ARID5B: variants seen among roughly 807,000 people sequenced by gnomAD.
The protein encoded by ARID5B is AT-rich interactive domain-containing protein 5B.
In ARID5B, 13 loss-of-function variants were observed where a neutral mutation model predicts 97.2. The ratio of observed to expected loss-of-function variants is 0.13; its 90% CI spans 0.09 to 0.21. The LOEUF is 0.21. Among genes scored for constraint, ARID5B ranks in the 10% least tolerant of loss-of-function variants. The probability of loss-of-function intolerance (pLI) is 1.00; values close to 1 mark genes in which losing one functional copy is unlikely to be tolerated. For missense variants in ARID5B, 1,210 were observed against 1,465.3 expected (o/e 0.83, Z 2.84); for synonymous variants, 556 against 570.3 (o/e 0.97, Z 0.36).
At chr10:61,960,009 T>C (rs1336235420) in intron 3 of ARID5B, among the ~76,000 whole-genome samples, 1 of 152,210 alleles carries the variant, frequency 6.6e-6, no homozygotes, top group Non-Finnish European at 1.5e-5. Context: ...TGATTTCCTT[T>C]AAGAACACAG....
chr10:61,991,468 T>A (rs1048452471), intron 3 of ARID5B, among the ~76,000 whole-genome samples: 11 of 151,896 alleles, frequency 7.2e-5, no homozygotes, highest in African/African-American at 2.7e-4. Context: ...AAGATGCCAT[T>A]TATATATATT....
rs1381705412 is a variant in ARID5B at position 62,022,466 on chromosome 10, C to T, written c.733+22145C>T. ...ACCTTTCGCAGGAAAGAGGAGCTGG[C>T]CCTCTCCTGTTCCTGGGTGGTAACC... On this transcript the variant is annotated intron_variant, in intron 4 of 9. Coordinates refer to ENST00000279873, the MANE Select transcript of ARID5B (RefSeq NM_032199.3). Among the ~76,000 whole-genome samples the T allele has an allele frequency of 5.3e-5, 8 of 152,198 alleles. No individual in the cohort carries two copies. In the South Asian group the frequency reaches 1.7e-3, roughly 32 times the overall value.
chr10:62,047,728 C>T (rs901420304), intron 4 of ARID5B, among the ~76,000 whole-genome samples: 10 of 152,190 alleles, frequency 6.6e-5, no homozygotes, highest in African/African-American at 1.2e-4. Flanking sequence ...CCCACCAGCA[C>T]ACCATAATGC....
Position 61,907,233 on chromosome 10 carries a change from A to AT in ARID5B, c.276+4830dup, listed in dbSNP as rs36040309. Reference sequence around the variant, plus strand: ...GTAAACTGTCAACTGGATCAGCAGGATTTTTTTTTTCAAAAGATTGCCTGA... The same window carrying AT: ...GTAAACTGTCAACTGGATCAGCAGGATTTTTTTTTTTCAAAAGATTGCCTGA... On this transcript the variant is annotated intron_variant, in intron 2 of 9. Coordinates refer to ENST00000279873, the MANE Select transcript of ARID5B (RefSeq NM_032199.3). Among the ~76,000 whole-genome samples the AT allele has an allele frequency of 8.0e-4, 121 of 151,334 alleles. 3 individuals carry two copies. Among genetic ancestry groups the AT allele is most frequent in the South Asian group, 1.0e-3 (5 of 4,786 alleles).
intron 3 of ARID5B, among the ~76,000 whole-genome samples, chr10:61,994,805 T>C (rs1442643644): frequency 2.1e-5 from 2 of 93,772 alleles, no homozygotes; most frequent in Admixed American, 1.2e-4. Context: ...AGAGTCATTT[T>C]GGTTGAGCAT....
At chr10:62,056,293 C>T (rs12241460) in intron 5 of ARID5B, among the ~76,000 whole-genome samples, 2,794 of 152,226 alleles carry the variant, frequency 0.018, 85 homozygotes, top group African/African-American at 0.064. Context: ...GGGTTTTTAG[C>T]TGACCTCTAC....
chr10:61,926,555 G>A (rs1429304979), intron 2 of ARID5B, among the ~76,000 whole-genome samples: 1 of 152,046 alleles, frequency 6.6e-6, no homozygotes, highest in Non-Finnish European at 1.5e-5. Context: ...TTGAGAGCTG[G>A]GGAGGATGAG....
intron 7 of ARID5B, among the ~76,000 whole-genome samples, chr10:62,065,389 C>T (rs925212883): frequency 6.6e-6 from 1 of 152,198 alleles, no homozygotes; most frequent in Non-Finnish European, 1.5e-5. Context: ...CCCTCCCTCC[C>T]TTCCTTCCTT....
intron 4 of ARID5B, among the ~76,000 whole-genome samples, chr10:62,036,515 G>C (rs1001877298): frequency 6.6e-6 from 1 of 152,212 alleles, no homozygotes; most frequent in Non-Finnish European, 1.5e-5. Context: ...GGAGTATGGT[G>C]CACAGAAGTC....
At chr10:61,912,570 C>T (rs1843823788) in intron 2 of ARID5B, among the ~76,000 whole-genome samples, 1 of 151,288 alleles carries the variant, frequency 6.6e-6, no homozygotes, top group African/African-American at 2.4e-5. Context: ...TTAATGTATA[C>T]TATTTTTGTT....
chr10:61,968,206 A>G (rs1036930522), intron 3 of ARID5B, among the ~76,000 whole-genome samples: 1 of 149,424 alleles, frequency 6.7e-6, no homozygotes, highest in African/African-American at 2.5e-5. Context: ...ACACACACAC[A>G]CACACACAAA....
chr10:61,955,567 A>C (rs1838380692), intron 3 of ARID5B, among the ~76,000 whole-genome samples: 3 of 152,250 alleles, frequency 2.0e-5, no homozygotes, highest in African/African-American at 7.2e-5. Context: ...AAGGAACTAC[A>C]GATAATCTAG....
At chr10:62,031,694 G>T (rs1839499083) in intron 4 of ARID5B, among the ~76,000 whole-genome samples, 1 of 152,158 alleles carries the variant, frequency 6.6e-6, no homozygotes, top group Non-Finnish European at 1.5e-5. Context: ...AAGAAGGGCA[G>T]TTGAAGCCTG....
At chr10:61,991,571 A>G (rs895772765) in intron 3 of ARID5B, among the ~76,000 whole-genome samples, 1 of 152,190 alleles carries the variant, frequency 6.6e-6, no homozygotes, top group African/African-American at 2.4e-5. Flanking sequence ...TCTAGTTATT[A>G]ATCCCTTATC....
In ARID5B at chr10:62,092,953, C is replaced by T. The variant is rs1840407572; in HGVS notation, c.3490C>T (p.Pro1164Ser). 6.2e-7 allele frequency: 1 copy of T among 1,614,092 alleles called. No homozygotes were observed. The highest frequency in any genetic ancestry group is 1.1e-5 in the South Asian group (1 of 91,074). Reference sequence around the variant, plus strand: ...GGACCTTTTGCATAACAGCATTTACCCTTTAGCTGCTATAAATCCTCAAGC... The same window carrying T: ...GGACCTTTTGCATAACAGCATTTACTCTTTAGCTGCTATAAATCCTCAAGC... ...YGDLLHNSIY[P>S]LAAINPQAAF... Residue 1164 changes from proline (P) to serine (S), a missense_variant, in exon 10 of 10, where the codon CCT becomes TCT. By Grantham distance (74) the Pro-to-Ser change is moderately conservative. Transcript: ENST00000279873.
chr10:61,902,509 T>G (rs1306220355), intron 2 of ARID5B, 96 bp downstream of exon 2: 4 of 1,499,788 alleles, frequency 2.7e-6, no homozygotes, highest in Non-Finnish European at 2.7e-6. Flanking sequence ...TATTCACTTC[T>G]GCAGGCAAGC....
chr10:62,037,164 T>C (rs1839576316), intron 4 of ARID5B, among the ~76,000 whole-genome samples: 2 of 152,358 alleles, frequency 1.3e-5, no homozygotes, highest in South Asian at 4.1e-4. Context: ...TACGGCAATA[T>C]GGATCAAGTA....
chr10:61,928,625 A>G (rs1356975688), intron 2 of ARID5B, among the ~76,000 whole-genome samples: 1 of 152,038 alleles, frequency 6.6e-6, no homozygotes, highest in Non-Finnish European at 1.5e-5. Flanking sequence ...CAAGTATTCC[A>G]TTGGTTTCCT....
At chr10:61,971,041 A>G (rs572185233) in intron 3 of ARID5B, among the ~76,000 whole-genome samples, 2 of 152,136 alleles carry the variant, frequency 1.3e-5, no homozygotes, top group East Asian at 3.9e-4. Flanking sequence ...AGAAAAGGGA[A>G]AAAGAGTAAA....
Sources: gnomAD v4.1 joint callset for allele counts (sites outside exome capture counted in the v4.1 genomes callset) on GRCh38, gnomAD v4.1.1 for gene constraint, MANE v1.5 for transcripts, NCBI Gene and HGNC (gene_info 2026-07-23, HGNC 2026-07-21) for gene names.